Variants in DIAPH2 observed in about 807,000 individuals in gnomAD.
DIAPH2 encodes protein diaphanous homolog 2.
Under a neutral mutation model 92.7 loss-of-function variants are expected in DIAPH2, and 35 were observed. The ratio of observed to expected loss-of-function variants is 0.38; its 90% CI spans 0.29 to 0.50. The LOEUF (loss-of-function observed/expected upper bound fraction) is 0.50. DIAPH2 is among the 20% of genes least tolerant of loss of function. The pLI, the probability that DIAPH2 is intolerant of heterozygous loss-of-function variation, is 0.94. For missense variants in DIAPH2, 701 were observed against 819.5 expected (o/e 0.86, Z 1.77); for synonymous variants, 301 against 280.4 (o/e 1.07, Z -0.73).
intron 22 of DIAPH2, among the ~76,000 whole-genome samples, chrX:97,160,446 G>GATTTT (rs768428817): frequency 8.9e-6 from 1 of 111,856 alleles, no homozygotes; most frequent in South Asian, 3.7e-4. Context: ...AACCTAGTTG[G>GATTTT]ATTTTATTTT....
intron 26 of DIAPH2, among the ~76,000 whole-genome samples, chrX:97,434,409 CTTTTT>C (rs1168006514): frequency 1.1e-5 from 1 of 93,845 alleles, no homozygotes; most frequent in African/African-American, 3.9e-5. Context: ...GGTTACTAAA[CTTTTT>C]TTTTTTTTTT....
intron 22 of DIAPH2, among the ~76,000 whole-genome samples, chrX:97,172,556 G>C (rs906420858): frequency 2.7e-5 from 3 of 111,603 alleles, no homozygotes; most frequent in Non-Finnish European, 5.6e-5. Context: ...TAATAAGTAA[G>C]ATAAAATGTT....
At chrX:96,753,086 C>T (rs2064203829) in intron 3 of DIAPH2, among the ~76,000 whole-genome samples, 1 of 111,927 alleles carries the variant, frequency 8.9e-6, no homozygotes, top group South Asian at 3.8e-4. Context: ...TACCTAGAGA[C>T]TGCCAAAGGT....
intron 26 of DIAPH2, among the ~76,000 whole-genome samples, chrX:97,542,949 G>A (rs2071151912): frequency 8.9e-6 from 1 of 111,917 alleles, no homozygotes; most frequent in Non-Finnish European, 1.9e-5. Flanking sequence ...AAAGAATGCG[G>A]GGCTCAATAA....
At chrX:96,811,129 A>T in intron 4 of DIAPH2, among the ~76,000 whole-genome samples, 1 of 111,681 alleles carries the variant, frequency 9.0e-6, no homozygotes, top group Middle Eastern at 4.6e-3. Flanking sequence ...TTTTCATGAT[A>T]TTGATTCTTC....
intron 19 of DIAPH2, chrX:97,081,681 G>A (rs1194387471): frequency 4.6e-5 from 5 of 109,520 alleles, no homozygotes; most frequent in African/African-American, 3.3e-5. Context: ...TTAGCCGGGT[G>A]TGGTGGTGCA....
At chrX:97,365,179 C>A (rs1467009062) in intron 24 of DIAPH2, among the ~76,000 whole-genome samples, 1 of 111,022 alleles carries the variant, frequency 9.0e-6, no homozygotes, top group Non-Finnish European at 1.9e-5. Flanking sequence ...TACCAAAGCA[C>A]CGTTGTTTGC....
intron 4 of DIAPH2, among the ~76,000 whole-genome samples, chrX:96,778,808 A>G (rs1285003976): frequency 1.8e-5 from 2 of 111,646 alleles, no homozygotes; most frequent in Non-Finnish European, 3.8e-5. Context: ...TTGTTTCCCC[A>G]TGATTAGATT....
At chrX:97,223,271 A>G (rs1167639033) in intron 22 of DIAPH2, among the ~76,000 whole-genome samples, 2 of 111,478 alleles carry the variant, frequency 1.8e-5, no homozygotes, top group African/African-American at 6.5e-5. Context: ...TTTTTACTCT[A>G]ATTTCTAGAT....
chrX:97,161,104 G>T (rs1313138619), intron 22 of DIAPH2, among the ~76,000 whole-genome samples: 6 of 102,377 alleles, frequency 5.9e-5, no homozygotes, highest in African/African-American at 2.1e-4. Context: ...GATGCAGCCG[G>T]GGACTCTCTG....
intron 17 of DIAPH2, among the ~76,000 whole-genome samples, chrX:97,011,701 A>G (rs1197221868): frequency 9.1e-6 from 1 of 109,379 alleles, no homozygotes; most frequent in Non-Finnish European, 1.9e-5. Context: ...CAGCATGGCC[A>G]ACATGGTGGT....
At chrX:96,890,841 C>T (rs2065302417) in intron 5 of DIAPH2, among the ~76,000 whole-genome samples, 1 of 111,912 alleles carries the variant, frequency 8.9e-6, no homozygotes, top group African/African-American at 3.2e-5. Context: ...TTTATAAGCC[C>T]TCATTAACTG....
chrX:97,179,072 C>T (rs1267212814), intron 22 of DIAPH2, among the ~76,000 whole-genome samples: 1 of 111,082 alleles, frequency 9.0e-6, no homozygotes, highest in Non-Finnish European at 1.9e-5. Context: ...ACTGTATTAG[C>T]AGCACAAAAA....
intron 26 of DIAPH2, among the ~76,000 whole-genome samples, chrX:97,462,716 T>C (rs2070469978): frequency 9.0e-6 from 1 of 111,415 alleles, no homozygotes; most frequent in South Asian, 3.8e-4. Flanking sequence ...TATAGAATGA[T>C]TAATTACTCA....
At chrX:97,294,798 A>C (rs2068629674) in intron 23 of DIAPH2, among the ~76,000 whole-genome samples, 1 of 111,917 alleles carries the variant, frequency 8.9e-6, no homozygotes, top group Non-Finnish European at 1.9e-5. Flanking sequence ...ACGGAGTTCC[A>C]GGTATGTGAC....
intron 22 of DIAPH2, among the ~76,000 whole-genome samples, chrX:97,146,534 T>G (rs758574008): frequency 2.4e-4 from 27 of 111,268 alleles, no homozygotes; most frequent in Non-Finnish European, 4.5e-4. Context: ...CAAATTTATT[T>G]TAGTTCAGTA....
intron 19 of DIAPH2, among the ~76,000 whole-genome samples, chrX:97,096,929 C>T: frequency 9.0e-6 from 1 of 111,175 alleles, no homozygotes; most frequent in Non-Finnish European, 1.9e-5. Flanking sequence ...TTCCTGGGAG[C>T]CCCCTTAGTC....
intron 24 of DIAPH2, among the ~76,000 whole-genome samples, chrX:97,357,875 G>C (rs2069283332): frequency 8.9e-6 from 1 of 112,042 alleles, no homozygotes; most frequent in Non-Finnish European, 1.9e-5. Context: ...TTTAAGGAAA[G>C]CTTCAAAGAC....
chrX:96,861,768 C>T (rs1177886210), intron 4 of DIAPH2, among the ~76,000 whole-genome samples: 1 of 111,902 alleles, frequency 8.9e-6, no homozygotes, highest in Non-Finnish European at 1.9e-5. Flanking sequence ...CTTTCCTGCT[C>T]CTTGTCCCTT....
Sources: gnomAD v4.1 joint callset for allele counts (sites outside exome capture counted in the v4.1 genomes callset) on GRCh38, gnomAD v4.1.1 for gene constraint, MANE v1.5 for transcripts, NCBI Gene and HGNC (gene_info 2026-07-23, HGNC 2026-07-21) for gene names.